Variants in PPP1R9A observed in about 807,000 individuals in gnomAD.
PPP1R9A encodes neurabin-1.
In PPP1R9A, 59 loss-of-function variants were observed where a neutral mutation model predicts 141.9. The ratio of observed to expected loss-of-function variants is 0.42; its 90% CI spans 0.34 to 0.52. The LOEUF is 0.52. Ranked by LOEUF, PPP1R9A falls within the 20% of genes least tolerant of loss-of-function variation. The pLI is 0.10. For synonymous variants in PPP1R9A, 500 were observed against 569.7 expected (o/e 0.88, Z 1.74); for missense variants, 1,444 against 1,611.9 (o/e 0.90, Z 1.78).
At chr7:95,281,698 C>G (rs554118314) in intron 16 of PPP1R9A, among the ~76,000 whole-genome samples, 27 of 152,090 alleles carry the variant, frequency 1.8e-4, no homozygotes, top group Non-Finnish European at 3.5e-4. Flanking sequence ...TTATTTTGTC[C>G]CTATTTGCTT....
chr7:94,956,369 A>G (rs1035339309), intron 2 of PPP1R9A, among the ~76,000 whole-genome samples: 8 of 152,108 alleles, frequency 5.3e-5, no homozygotes, highest in African/African-American at 1.9e-4. Context: ...TTTATTTTCT[A>G]TGTAAAGGTT....
intron 9 of PPP1R9A, 82 bp from the exon 10 acceptor site, chr7:95,249,944 A>T (rs1798643503): frequency 6.9e-7 from 1 of 1,459,196 alleles, no homozygotes; most frequent in Non-Finnish European, 9.0e-7. Context: ...ATAGAACTTG[A>T]TCTACAACAT....
chr7:94,997,294 A>T (rs905120597), intron 2 of PPP1R9A, among the ~76,000 whole-genome samples: 10 of 151,778 alleles, frequency 6.6e-5, no homozygotes, highest in African/African-American at 2.4e-4. Context: ...TTTTTCACCC[A>T]TTTATGAATC....
At chr7:95,163,128 G>A (rs1830678811) in intron 5 of PPP1R9A, among the ~76,000 whole-genome samples, 1 of 152,170 alleles carries the variant, frequency 6.6e-6, no homozygotes, top group Non-Finnish European at 1.5e-5. Flanking sequence ...AGACTTTAAA[G>A]TAAATTTTAA....
chr7:95,262,325 C>T (rs1800558831), intron 12 of PPP1R9A, among the ~76,000 whole-genome samples: 1 of 152,094 alleles, frequency 6.6e-6, no homozygotes, highest in African/African-American at 2.4e-5. Flanking sequence ...TTTGTATTTC[C>T]CTGGCTTTTA....
At chr7:95,151,652 G>A (rs1416313179) in intron 4 of PPP1R9A, among the ~76,000 whole-genome samples, 1 of 144,890 alleles carries the variant, frequency 6.9e-6, no homozygotes, top group African/African-American at 2.5e-5. Flanking sequence ...GTCTTTAAAG[G>A]TTTTTTTTTT....
At chr7:94,983,544 A>T (rs1800398417) in intron 2 of PPP1R9A, among the ~76,000 whole-genome samples, 1 of 152,100 alleles carries the variant, frequency 6.6e-6, no homozygotes, top group Admixed American at 6.6e-5. Flanking sequence ...GAGGTCGTTC[A>T]CATCCCTTGT....
intron 4 of PPP1R9A, among the ~76,000 whole-genome samples, chr7:95,143,940 A>G (rs1341209434): frequency 6.6e-6 from 1 of 152,088 alleles, no homozygotes; most frequent in African/African-American, 2.4e-5. Flanking sequence ...TGAGTGTATC[A>G]TTAACATATT....
At chr7:94,913,683 T>C (rs971555703) in intron 2 of PPP1R9A, among the ~76,000 whole-genome samples, 3 of 152,198 alleles carry the variant, frequency 2.0e-5, no homozygotes, top group Non-Finnish European at 2.9e-5. Flanking sequence ...CTGGTCATGG[T>C]GGTGGCCATA....
intron 2 of PPP1R9A, chr7:95,018,127 CT>C: frequency 5.4e-6 from 1 of 184,230 alleles, no homozygotes; most frequent in Non-Finnish European, 1.2e-5. Context: ...TAATCATTGC[CT>C]AGAGAAGGGA....
chr7:95,015,531 G>T (rs2151663201), intron 2 of PPP1R9A, among the ~76,000 whole-genome samples: 1 of 152,152 alleles, frequency 6.6e-6, no homozygotes, highest in South Asian at 2.1e-4. Flanking sequence ...AGAAATTATT[G>T]TGTCTGAAAA....
At chr7:94,976,799 T>A (rs1211653227) in intron 2 of PPP1R9A, among the ~76,000 whole-genome samples, 1 of 152,200 alleles carries the variant, frequency 6.6e-6, no homozygotes, top group African/African-American at 2.4e-5. Context: ...AATCATTCAC[T>A]CTACATGTAT....
intron 12 of PPP1R9A, among the ~76,000 whole-genome samples, chr7:95,255,406 C>A (rs1204529907): frequency 6.6e-6 from 1 of 152,100 alleles, no homozygotes; most frequent in African/African-American, 2.4e-5. Flanking sequence ...GAAAGAAAGA[C>A]TAGGGCCAGT....
chr7:95,044,219 C>T (rs1169893432), intron 2 of PPP1R9A, among the ~76,000 whole-genome samples: 2 of 152,194 alleles, frequency 1.3e-5, no homozygotes, highest in African/African-American at 4.8e-5. Flanking sequence ...GAAAGCCACA[C>T]TTTATCCATC....
At chr7:95,162,018 A>C (rs369785480) in intron 5 of PPP1R9A, 47 bp downstream of exon 5, 1 of 1,225,112 alleles carries the variant, frequency 8.2e-7, no homozygotes. Flanking sequence ...CTTTAGTTGA[A>C]TTTTAATTTT....
intron 2 of PPP1R9A, among the ~76,000 whole-genome samples, chr7:94,982,332 A>G (rs1428648909): frequency 6.6e-6 from 1 of 152,194 alleles, no homozygotes; most frequent in Non-Finnish European, 1.5e-5. Flanking sequence ...TTCTTTGGGT[A>G]TATACCCAGT....
At chr7:95,207,779 G>T (rs1329750983) in intron 7 of PPP1R9A, among the ~76,000 whole-genome samples, 1 of 152,132 alleles carries the variant, frequency 6.6e-6, no homozygotes, top group Non-Finnish European at 1.5e-5. Context: ...TAGCAACTTT[G>T]CTGAATACAT....
At position 95,141,373 on chromosome 7, in the gene PPP1R9A, T is replaced by G. The variant is rs1032231929; in HGVS notation, c.1650-20494T>G. Among the ~76,000 whole-genome samples, 13 of 152,206 alleles carry G rather than the reference T, an allele frequency of 8.5e-5. No individual in the cohort carries two copies. The East Asian group carries it at 2.5e-3, about 29-fold the overall frequency. On this transcript the variant is annotated intron_variant, in intron 4 of 19. Transcript: ENST00000433360. ...ATATGTAATTCACATACCATATAGT[T>G]TACTCATTTAAAGTGTACAATTCAG...
intron 16 of PPP1R9A, among the ~76,000 whole-genome samples, chr7:95,275,058 A>G (rs187170283): frequency 9.8e-5 from 15 of 152,298 alleles, no homozygotes; most frequent in East Asian, 3.9e-4. Context: ...TTACCTTATT[A>G]TTATTTGCAA....
Sources: allele counts gnomAD v4.1 joint callset (sites outside exome capture counted in the v4.1 genomes callset), GRCh38; gene constraint gnomAD v4.1.1; transcripts MANE v1.5; gene names NCBI Gene and HGNC (gene_info 2026-07-23, HGNC 2026-07-21).